The following SPTBN5 variants were observed in gnomAD, a reference collection of about 807,000 sequenced individuals.
SPTBN5 encodes the protein spectrin beta chain, non-erythrocytic 5.
A neutral mutation model predicts 477.6 loss-of-function variants in SPTBN5; 513 were observed. The ratio of observed to expected loss-of-function variants is 1.07; its 90% CI spans 1.00 to 1.16. The LOEUF is 1.16. Ranked by LOEUF, SPTBN5 falls within the 50% of genes most tolerant of loss-of-function variation. SPTBN5 has a pLI of 0.00. For missense variants in SPTBN5, 5,062 were observed against 4,731.8 expected (o/e 1.07, Z -2.05); for synonymous variants, 2,169 against 2,011.7 (o/e 1.08, Z -2.09).
At position 41,849,133 on chromosome 15, in the gene SPTBN5, G is replaced by A. The variant is rs545734327; in HGVS notation, c.11013-505C>T. 8.5e-5 allele frequency among the ~76,000 whole-genome samples: 13 copies of A among 152,312 alleles called. No individual in the cohort carries two copies. In the East Asian group the frequency reaches 2.5e-3, roughly 29 times the overall value. Reference sequence around the variant, plus strand: ...GGGCCCATGCACGGAGGATTTGCCTGTCTCCAGTCCCTCCTCCACTTTCAC... The same window carrying A: ...GGGCCCATGCACGGAGGATTTGCCTATCTCCAGTCCCTCCTCCACTTTCAC... On this transcript the variant is annotated intron_variant, in intron 67 of 67. Coordinates refer to ENST00000320955, the MANE Select transcript of SPTBN5 (RefSeq NM_016642.4).
chr15:41,870,335 G>A lies in SPTBN5; in HGVS notation c.5581C>T (p.Pro1861Ser), dbSNP rs1331504230. Residue 1861 changes from proline (P) to serine (S), a missense_variant, in exon 31 of 68, where the codon CCC becomes TCC. By Grantham distance (74) the Pro-to-Ser change is moderately conservative. Transcript: ENST00000320955. Reference sequence around the variant, plus strand: ...CACAGGTCCCGTGCCACATTGTTGGGGAGGCTCGTGGCTTTCTCCTGAGGA... The same window carrying A: ...CACAGGTCCCGTGCCACATTGTTGGAGAGGCTCGTGGCTTTCTCCTGAGGA... ...TQVQEKATSLPNNVARDLCGL... is the reference protein window; with the variant it reads ...TQVQEKATSLSNNVARDLCGL... 2 of 1,570,430 alleles carry A rather than the reference G, an allele frequency of 1.3e-6. No individual in the cohort carries two copies. The highest frequency in any genetic ancestry group is 1.4e-5 in the African/African-American group (1 of 74,044).
Position 41,853,567 on chromosome 15 carries a change from A to G in SPTBN5, c.9980+15T>C, listed in dbSNP as rs373515361. On this transcript the variant is annotated intron_variant, in intron 58 of 67. Transcript: ENST00000320955. ...CAGGGTAGAGCTGAGCCGGCAGCTGAGGTAGGACACCTACAGCAGTTCCTG... is the reference window on the plus strand; with the variant it reads ...CAGGGTAGAGCTGAGCCGGCAGCTGGGGTAGGACACCTACAGCAGTTCCTG... The G allele has an allele frequency of 2.4e-5, 37 of 1,559,350 alleles. No homozygotes were observed. The highest frequency in any genetic ancestry group is 2.1e-4 in the Admixed American group (12 of 56,466).
In SPTBN5 at chr15:41,856,487, C is replaced by G. The variant is rs752342312; in HGVS notation, c.8920G>C (p.Val2974Leu). ...GCCATGGCCTTCTCCAGCTGCTGCA[C>G]CCGGGCGGCCACCTCGTGGGCGGCA... ...HFAAHEVAAR[V>L]QQLEKAMAHL... is the part of the protein sequence containing the mutation. The change falls in exon 53 of 68, where the codon GTG (valine) becomes CTG (leucine). Residue 2974 changes from valine (V) to leucine (L), a missense_variant. Coordinates refer to ENST00000320955, the MANE Select transcript of SPTBN5 (RefSeq NM_016642.4). 6.3e-7 allele frequency: 1 copy of G among 1,596,226 alleles called. No homozygotes were observed. The highest frequency in any genetic ancestry group is 8.5e-7 in the Non-Finnish European group (1 of 1,172,752).
rs2140949392 is a variant in SPTBN5 at position 41,875,548 on chromosome 15, G to A, written c.4197C>T (p.Ser1399=). The A allele has an allele frequency of 6.2e-7, 1 of 1,610,812 alleles. No individual in the cohort carries two copies. The highest frequency in any genetic ancestry group is 2.2e-5 in the East Asian group (1 of 44,804). ...DIQTRLQGLR[S]KWEALNRKMT... The stretch of plus-strand genomic sequence containing the variant: ...TCTTGCGGTTCAAAGCTTCCCACTT[G>A]CTTCTCAGGCCTTGAAGCCTGGTCT... Residue 1399 remains serine (S), a synonymous_variant, in exon 22 of 68, where the codon AGC becomes AGT. Transcript: ENST00000320955.
In SPTBN5 at chr15:41,855,648, C is replaced by T. The variant is rs370002662; in HGVS notation, c.9119G>A (p.Arg3040Gln). Residue 3040 changes from arginine to glutamine, a missense_variant, in exon 54 of 68, where the codon CGG becomes CAG. Coordinates refer to ENST00000320955, the MANE Select transcript of SPTBN5 (RefSeq NM_016642.4). ...CAGGTCTCTCTTGGTGGCCTCCAGC[C>T]GCCGCAGAAGGGCCTGTGTGGCTTC... Reference protein sequence around the residue: ...SAEATQALLRRLEATKRDLEA... With the variant: ...SAEATQALLRQLEATKRDLEA... 45 of 1,608,504 alleles carry T rather than the reference C, an allele frequency of 2.8e-5. No homozygotes were observed. Among genetic ancestry groups the T allele is most frequent in the African/African-American group, 2.0e-4 (15 of 74,908 alleles).
chr15:41,890,209 T>G lies in SPTBN5; in HGVS notation c.385-4A>C. On this transcript the variant is annotated splice_polypyrimidine_tract_variant and splice_region_variant and intron_variant, in intron 3 of 67. Transcript: ENST00000320955. ...GCCCGATGAGTGGTACTGGCACCTG[T>G]GGGCACAGTTGGATGGGCTAAGCCA... The G allele has an allele frequency of 1.9e-6, 3 of 1,601,072 alleles. No individual in the cohort carries two copies. Among genetic ancestry groups the G allele is most frequent in the Non-Finnish European group, 2.6e-6 (3 of 1,171,084 alleles).
In SPTBN5 at chr15:41,853,858, C is replaced by T. The variant is rs1595443065; in HGVS notation, c.9775-71G>A. Reference sequence around the variant, plus strand: ...GATGCGTGCTCTGCATTCAGGAGCACCAGGCCTCTCTGAGGAACCACCTCC... The same window carrying T: ...GATGCGTGCTCTGCATTCAGGAGCATCAGGCCTCTCTGAGGAACCACCTCC... On this transcript the variant is annotated intron_variant, in intron 57 of 67. Coordinates refer to ENST00000320955, the MANE Select transcript of SPTBN5 (RefSeq NM_016642.4). The T allele has an allele frequency of 8.9e-6, 13 of 1,458,866 alleles. No homozygotes were observed. In the East Asian group the frequency reaches 1.0e-4, roughly 11 times the overall value. The allele number at this position is 1,458,866 out of a possible 1,614,324, so 90.4% of individuals were successfully genotyped here. A position where few individuals can be genotyped will look rare whatever the true frequency, so the allele number is the denominator to read the frequency against.
chr15:41,874,151 A>C (rs1422273560), intron 24 of SPTBN5, 106 bp from the exon 25 acceptor site: 2 of 1,505,036 alleles, frequency 1.3e-6, no homozygotes, highest in Admixed American at 3.9e-5. Flanking sequence ...CCCCAGGGTC[A>C]AAATAGCTGG....
chr15:41,882,526 G>A, intron 10 of SPTBN5, 57 bp from the exon 11 acceptor site: 1 of 1,581,252 alleles, frequency 6.3e-7, no homozygotes, highest in Non-Finnish European at 8.6e-7. Flanking sequence ...GGGGGCCGGG[G>A]GCCCGAGAGG....
chr15:41,853,057 G>A, intron 59 of SPTBN5, 57 bp from the exon 60 acceptor site: 1 of 1,460,428 alleles, frequency 6.8e-7, no homozygotes, highest in East Asian at 2.5e-5. Flanking sequence ...ACCATGGGCA[G>A]GGCAGGGCTG....
intron 62 of SPTBN5, 56 bp downstream of exon 62, chr15:41,852,126 T>C (rs2065783626): frequency 1.3e-6 from 2 of 1,520,522 alleles, no homozygotes; most frequent in African/African-American, 1.4e-5. Context: ...CCAGCCCCAC[T>C]GCATGCTTCA....
At chr15:41,875,688 G>T in intron 21 of SPTBN5, 66 bp from the exon 22 acceptor site, 1 of 1,485,494 alleles carries the variant, frequency 6.7e-7, no homozygotes, top group Non-Finnish European at 9.0e-7. Flanking sequence ...GCCGCAGCAG[G>T]CTGGACCTGG....
intron 50 of SPTBN5, 26 bp downstream of exon 50, chr15:41,857,547 C>A: frequency 6.2e-7 from 1 of 1,604,024 alleles, no homozygotes. Context: ...GCCCGGCCAG[C>A]CACCCCTCGG....
chr15:41,855,799 G>C, intron 53 of SPTBN5, 54 bp from the exon 54 acceptor site: 1 of 1,466,506 alleles, frequency 6.8e-7, no homozygotes. Flanking sequence ...CAGGGCTCAG[G>C]ATTTACAGCC....
In SPTBN5 at chr15:41,873,967, C is replaced by T; in HGVS notation, c.4768G>A (p.Gly1590Arg). 1 of 1,607,876 alleles carries T rather than the reference C, an allele frequency of 6.2e-7. No individual in the cohort carries two copies. The highest frequency in any genetic ancestry group is 8.5e-7 in the Non-Finnish European group (1 of 1,179,830). Residue 1590 changes from glycine to arginine, a missense_variant, in exon 25 of 68, where the codon GGG becomes AGG. Gly to Arg is a moderately radical substitution (Grantham distance 125). Coordinates refer to ENST00000320955, the MANE Select transcript of SPTBN5 (RefSeq NM_016642.4). Reference sequence around the variant, plus strand: ...ACGATGTGTTGGGCTTGGGGGTGCCCTGAGGCTGCCAGGCTCCGCCCAGAA... The same window carrying T: ...ACGATGTGTTGGGCTTGGGGGTGCCTTGAGGCTGCCAGGCTCCGCCCAGAA... ...LSSGRSLAAS[G>R]HPQAQHIVEQ... is the part of the protein sequence containing the mutation.
chr15:41,879,379 GA>G lies in SPTBN5; in HGVS notation c.3062del (p.Leu1021ProfsTer40). The G allele has an allele frequency of 6.2e-7, 1 of 1,610,606 alleles. No individual in the cohort carries two copies. The highest frequency in any genetic ancestry group is 8.5e-7 in the Non-Finnish European group (1 of 1,179,864). On this transcript the variant is annotated frameshift_variant, in exon 16 of 68. Coordinates refer to ENST00000320955, the MANE Select transcript of SPTBN5 (RefSeq NM_016642.4). LOFTEE classifies it high-confidence loss of function. ...TCCCTGGCTGCAGGGCCTCCAGCTGGAGGAGCACGTCTCGCAGCTGGACCTG... is the reference window on the plus strand; with the variant it reads ...TCCCTGGCTGCAGGGCCTCCAGCTGGGGAGCACGTCTCGCAGCTGGACCTG... ...PTQVQLRDVLLQLEALQPGSS... is the reference protein window; with the variant it reads ...PTQVQLRDVLXQLEALQPGSS...
intron 4 of SPTBN5, among the ~76,000 whole-genome samples, chr15:41,889,085 CCTGCTGCT>C (rs2067238356): frequency 6.6e-6 from 1 of 152,244 alleles, no homozygotes; most frequent in Non-Finnish European, 1.5e-5. Context: ...AGGATGCCCA[CCTGCTGCT>C]CCCAAGGGCC....
chr15:41,861,373 T>G (rs769577781), intron 46 of SPTBN5, 46 bp downstream of exon 46: 9 of 1,547,120 alleles, frequency 5.8e-6, no homozygotes, highest in Admixed American at 1.7e-5. Context: ...CCCCTAATGC[T>G]GCTCTGGTAA....
chr15:41,855,757 A>G lies in SPTBN5; in HGVS notation c.9022-12T>C, dbSNP rs1449083969. On this transcript the variant is annotated splice_polypyrimidine_tract_variant and intron_variant, in intron 53 of 67. Transcript: ENST00000320955. ...CCCGCCTCCAGGAGCTGGGGGTGAC[A>G]GAGTGGAGATCCGTTTTCCCGGGGC... 3 of 1,563,202 alleles carry G rather than the reference A, an allele frequency of 1.9e-6. No individual in the cohort carries two copies. The highest frequency in any genetic ancestry group is 2.3e-5 in the South Asian group (2 of 86,978).
Sources: allele counts gnomAD v4.1 joint callset (sites outside exome capture counted in the v4.1 genomes callset), GRCh38; gene constraint gnomAD v4.1.1; transcripts MANE v1.5; gene names NCBI Gene and HGNC (gene_info 2026-07-23, HGNC 2026-07-21).